CSPG4: variants seen among roughly 807,000 people sequenced by gnomAD.
The protein encoded by CSPG4 is chondroitin sulfate proteoglycan 4 (melanoma-associated).
Under a neutral mutation model 139.3 loss-of-function variants are expected in CSPG4, and 74 were observed. The observed-to-expected ratio is 0.53, with a 90% CI of 0.44 to 0.64. CSPG4 has a LOEUF of 0.64. CSPG4 is among the 30% of genes least tolerant of loss of function. The probability of loss-of-function intolerance (pLI) is 0.00; values close to 1 mark genes in which losing one functional copy is unlikely to be tolerated. For synonymous variants in CSPG4, 1,234 were observed against 1,394.2 expected (o/e 0.89, Z 2.56); for missense variants, 2,565 against 3,148.3 (o/e 0.81, Z 4.43).
At position 75,676,182 on chromosome 15, in the gene CSPG4, A is replaced by G; in HGVS notation, c.6337T>C (p.Phe2113Leu). 1.3e-6 allele frequency: 2 copies of G among 1,551,376 alleles called. No homozygotes were observed. Residue 2113 changes from phenylalanine (F) to leucine (L), a missense_variant, in exon 10 of 10, where the codon TTC becomes CTC. This residue lies in a region of CSPG4 where 2,316 missense variants were observed against 2,818.2 expected (regional missense o/e 0.82). Transcript: ENST00000308508. ...EPGGSQLVEQFTQQDLEDGRL... is the reference protein window; with the variant it reads ...EPGGSQLVEQLTQQDLEDGRL... Reference sequence around the variant, plus strand: ...CCGTCCTCAAGGTCCTGCTGAGTGAACTGCTCCACCAGCTGGCTGCCCCCG... The same window carrying G: ...CCGTCCTCAAGGTCCTGCTGAGTGAGCTGCTCCACCAGCTGGCTGCCCCCG...
chr15:75,711,153 G>C (rs1443324294), intron 1 of CSPG4, among the ~76,000 whole-genome samples: 2 of 150,904 alleles, frequency 1.3e-5, no homozygotes, highest in African/African-American at 4.9e-5. Flanking sequence ...ACCAAGGCTT[G>C]GTTTGAGGCC....
At chr15:75,707,505 A>T (rs1894389146) in intron 1 of CSPG4, among the ~76,000 whole-genome samples, 1 of 152,192 alleles carries the variant, frequency 6.6e-6, no homozygotes, top group Non-Finnish European at 1.5e-5. Flanking sequence ...GCCAGTGTGG[A>T]GTGAGGGCCA....
rs1894077468 is a variant in CSPG4, at chr15:75,687,474, A to G, written c.3591T>C (p.Val1197=). 1 of 1,612,092 alleles carries G rather than the reference A, an allele frequency of 6.2e-7. No homozygotes were observed. Among genetic ancestry groups the G allele is most frequent in the South Asian group, 1.1e-5 (1 of 91,014 alleles). ...TGAGGCTGCCATTGTGGCTATAGAG[A>G]ACGGCCCCATCCAGCAGGTCCTGCT... ...FSQQDLLDGA[V]LYSHNGSLSP... Residue 1197 remains valine (V), a synonymous_variant, in exon 3 of 10, where the codon GTT becomes GTC. Coordinates refer to ENST00000308508, the MANE Select transcript of CSPG4 (RefSeq NM_001897.5). The surrounding 1 kb of genome is among the most constrained non-coding windows in gnomAD (Gnocchi z 5.4).
At chr15:75,705,206 C>T (rs544334323) in intron 1 of CSPG4, among the ~76,000 whole-genome samples, 1 of 152,194 alleles carries the variant, frequency 6.6e-6, no homozygotes, top group Admixed American at 6.5e-5. Context: ...CAGTTAGCCA[C>T]AGAGATGCAG....
rs767244014 is a variant in CSPG4, at chr15:75,687,014, ATC to A, written c.3789+260_3789+261del. Among the ~76,000 whole-genome samples, 49 of 151,998 alleles carry A rather than the reference ATC, an allele frequency of 3.2e-4. No individual in the cohort carries two copies. Among genetic ancestry groups the A allele is most frequent in the Non-Finnish European group, 5.9e-4 (40 of 67,898 alleles). On this transcript the variant is annotated intron_variant, in intron 3 of 9. Transcript: ENST00000308508. The surrounding 1 kb of genome is among the most constrained non-coding windows in gnomAD (Gnocchi z 5.4). ...CTGTAGGGCTGGGTGGGGTCCAGGA[ATC>A]TGCATGCTCAGCCATGTCATACACA...
chr15:75,684,949 C>A, intron 4 of CSPG4, 37 bp from the exon 5 acceptor site: 1 of 1,582,896 alleles, frequency 6.3e-7, no homozygotes, highest in Non-Finnish European at 8.7e-7. Context: ...CAGGCCCCAG[C>A]AGCACCCTTC....
chr15:75,684,910 C>T lies in CSPG4; in HGVS notation c.4275G>A (p.Val1425=). The T allele has an allele frequency of 6.2e-7, 1 of 1,606,706 alleles. No individual in the cohort carries two copies. Among genetic ancestry groups the T allele is most frequent in the South Asian group, 1.1e-5 (1 of 90,956 alleles). The change falls in exon 5 of 10, where the codon GTG becomes GTA. Residue 1425 remains valine (V), a splice_region_variant and synonymous_variant. Coordinates refer to ENST00000308508, the MANE Select transcript of CSPG4 (RefSeq NM_001897.5). ...GCACGTAGCGGATCAGCTGCTCTTC[C>T]ACCTAGGGGCAGGCCCAGGGCTGGC... ...RTLSAFSWRM[V]EEQLIRYVHD... is the part of the protein sequence containing the mutation.
rs752590386 is a variant in CSPG4 at position 75,688,177 on chromosome 15, T to C, written c.2888A>G (p.Glu963Gly). ...GACCAGCCGGCCACGCAACAGGTCT[T>C]CATTGGTGAAGGATGTCACCATAGT... ...KTTMVTSFTN[E>G]DLLRGRLVYQ... Residue 963 changes from glutamate (E) to glycine (G), a missense_variant, in exon 3 of 10, where the codon GAA becomes GGA. By Grantham distance (98) the Glu-to-Gly change is moderately conservative. Around this residue, in one of 5 missense-constraint regions of CSPG4, gnomAD observed 2,316 missense variants for 2,818.2 expected, o/e 0.82. Coordinates refer to ENST00000308508, the MANE Select transcript of CSPG4 (RefSeq NM_001897.5). The C allele has an allele frequency of 2.5e-6, 4 of 1,612,812 alleles. No individual in the cohort carries two copies. The highest frequency in any genetic ancestry group is 1.7e-5 in the Admixed American group (1 of 60,016).
intron 1 of CSPG4, among the ~76,000 whole-genome samples, chr15:75,701,771 GC>G (rs1894303941): frequency 6.6e-6 from 1 of 152,062 alleles, no homozygotes; most frequent in East Asian, 1.9e-4. Flanking sequence ...GAACCCCCAA[GC>G]CCAACCCCAC....
rs1433241239 is a variant in CSPG4 at position 75,696,972 on chromosome 15, C to T, written c.89-3739G>A. The stretch of plus-strand genomic sequence containing the variant: ...GTGGATGGGCCCCTGAGGCTTCCAG[C>T]CTGACACCCAGCCCTCTGTCTGACA... On this transcript the variant is annotated intron_variant, in intron 1 of 9. Transcript: ENST00000308508. This position sits in a 1 kb window ranked among gnomAD's most constrained non-coding sequence, Gnocchi z 4.2. Among the ~76,000 whole-genome samples, 2 of 152,188 alleles carry T rather than the reference C, an allele frequency of 1.3e-5. No individual in the cohort carries two copies. Among genetic ancestry groups the T allele is most frequent in the Non-Finnish European group, 2.9e-5 (2 of 67,998 alleles).
chr15:75,699,883 T>C lies in CSPG4; in HGVS notation c.89-6650A>G, dbSNP rs886753814. Among the ~76,000 whole-genome samples, 38 of 152,224 alleles carry C rather than the reference T, an allele frequency of 2.5e-4. 1 individual carries two copies. In the Middle Eastern group the frequency reaches 0.02, roughly 82 times the overall value. On this transcript the variant is annotated intron_variant, in intron 1 of 9. Transcript: ENST00000308508. ...CAGGGAGATGGGTGGGTTTCCAGGC[T>C]CCATCCGTACCCTCCTTTCCCCCAC...
rs559126227 is a variant in CSPG4, at chr15:75,706,050, T to C, written c.88+6618A>G. Among the ~76,000 whole-genome samples, 121 of 152,290 alleles carry C rather than the reference T, an allele frequency of 7.9e-4. No homozygotes were observed. The East Asian group carries it at 0.015, about 19-fold the overall frequency. On this transcript the variant is annotated intron_variant, in intron 1 of 9. Transcript: ENST00000308508. The stretch of plus-strand genomic sequence containing the variant: ...GCCTCAGGCCTGCCTGGCTGGACTC[T>C]AGCTGCAGGAGAGCTGGTCTGGCCC...
At position 75,688,575 on chromosome 15, in the gene CSPG4, C is replaced by T. The variant is rs1894101647; in HGVS notation, c.2490G>A (p.Arg830=). 1 of 1,612,894 alleles carries T rather than the reference C, an allele frequency of 6.2e-7. No individual in the cohort carries two copies. The highest frequency in any genetic ancestry group is 8.5e-7 in the Non-Finnish European group (1 of 1,179,970). ...TFHYEVVQAP[R]KGNLQLQGTR... is the part of the protein sequence containing the mutation. ...TGCCCTGTAGTTGAAGGTTGCCTTT[C>T]CTGGGAGCCTGAACCACCTCATAAT... Residue 830 remains arginine (R), a synonymous_variant, in exon 3 of 10, where the codon AGG becomes AGA. Coordinates refer to ENST00000308508, the MANE Select transcript of CSPG4 (RefSeq NM_001897.5).
At position 75,702,078 on chromosome 15, in the gene CSPG4, T is replaced by C. The variant is rs189877071; in HGVS notation, c.89-8845A>G. On this transcript the variant is annotated intron_variant, in intron 1 of 9. Transcript: ENST00000308508. Reference sequence around the variant, plus strand: ...TCCCTTTGCTAATAGCAGCCCCAGTTAACCCAAACTGAAAGCCACTCCCTC... The same window carrying C: ...TCCCTTTGCTAATAGCAGCCCCAGTCAACCCAAACTGAAAGCCACTCCCTC... Among the ~76,000 whole-genome samples the C allele has an allele frequency of 2.2e-3, 335 of 152,310 alleles. 3 individuals carry two copies. Among genetic ancestry groups the C allele is most frequent in the African/African-American group, 7.7e-3 (319 of 41,580 alleles).
Position 75,675,394 on chromosome 15 carries a change from C to A in CSPG4, c.*156G>T, listed in dbSNP as rs1893874541. The A allele has an allele frequency of 2.6e-6, 2 of 754,864 alleles. No individual in the cohort carries two copies. The highest frequency in any genetic ancestry group is 4.0e-5 in the Admixed American group (1 of 25,104). The allele number at this position is 754,864 out of a possible 1,614,324, so 46.8% of individuals were successfully genotyped here. A position where few individuals can be genotyped will look rare whatever the true frequency, so the allele number is the denominator to read the frequency against. On this transcript the variant is annotated 3_prime_UTR_variant, in exon 10 of 10. Transcript: ENST00000308508. Reference sequence around the variant, plus strand: ...GCTCTTGACTCCACTCTGTCCCGGACCCCTGGGACTATCTCCCAGGACCCT... The same window carrying A: ...GCTCTTGACTCCACTCTGTCCCGGAACCCTGGGACTATCTCCCAGGACCCT...
At position 75,688,806 on chromosome 15, in the gene CSPG4, G is replaced by GT. The variant is rs756333053; in HGVS notation, c.2258dup (p.Tyr753Ter). Residue 753 changes from tyrosine to a stop codon, truncating the protein, a stop_gained and frameshift_variant, in exon 3 of 10, where the codon TAC becomes TAAC. Coordinates refer to ENST00000308508, the MANE Select transcript of CSPG4 (RefSeq NM_001897.5). LOFTEE classifies it high-confidence loss of function. The stretch of plus-strand genomic sequence containing the variant: ...CCAGGGCCAGGTTCTCCACGGTGTC[G>GT]TAAGCGTGGTGCTGTGGGTCAGTGC... ...YLSTDPQHHA[Y>*]DTVENLALEV... The GT allele has an allele frequency of 1.3e-5, 21 of 1,612,894 alleles. No individual in the cohort carries two copies. The Middle Eastern group carries it at 2.5e-3, about 192-fold the overall frequency.
In CSPG4 at chr15:75,688,937, C is replaced by A; in HGVS notation, c.2128G>T (p.Gly710Trp). The A allele has an allele frequency of 6.2e-7, 1 of 1,612,600 alleles. No individual in the cohort carries two copies. The highest frequency in any genetic ancestry group is 8.5e-7 in the Non-Finnish European group (1 of 1,180,028). ...CCTGCCCCCTGCTTCTGCAGCTCCCCAAACTGCAGGGCCCCAGTGACGCGG... is the reference window on the plus strand; with the variant it reads ...CCTGCCCCCTGCTTCTGCAGCTCCCAAAACTGCAGGGCCCCAGTGACGCGG... ...LFRVTGALQF[G>W]ELQKQGAGGV... Residue 710 changes from glycine to tryptophan, a missense_variant, in exon 3 of 10, where the codon GGG becomes TGG. This residue lies in a region of CSPG4 where 2,316 missense variants were observed against 2,818.2 expected (regional missense o/e 0.82). Transcript: ENST00000308508.
At position 75,677,875 on chromosome 15, in the gene CSPG4, C is replaced by T. The variant is rs1267529808; in HGVS notation, c.4962G>A (p.Gly1654=). Residue 1654 remains glycine, a synonymous_variant, in exon 9 of 10, where the codon GGG becomes GGA. Transcript: ENST00000308508. The part of the protein sequence containing the change: ...VNFTQAEVYA[G]NILYEHEMPP... Reference sequence around the variant, plus strand: ...GCATCTCATGCTCATACAGAATATTCCCAGCGTAGACCTAGGGGAGACACC... The same window carrying T: ...GCATCTCATGCTCATACAGAATATTTCCAGCGTAGACCTAGGGGAGACACC... The T allele has an allele frequency of 6.2e-7, 1 of 1,610,096 alleles. No individual in the cohort carries two copies. Among genetic ancestry groups the T allele is most frequent in the South Asian group, 1.1e-5 (1 of 90,742 alleles).
intron 1 of CSPG4, among the ~76,000 whole-genome samples, chr15:75,694,575 C>T (rs2141433414): frequency 6.6e-6 from 1 of 152,362 alleles, no homozygotes; most frequent in South Asian, 2.1e-4. Flanking sequence ...CCTGAGTAAG[C>T]AGCTTCAGCC....
Sources: allele counts gnomAD v4.1 joint callset (sites outside exome capture counted in the v4.1 genomes callset), GRCh38; gene constraint gnomAD v4.1.1; regional missense constraint gnomAD v4.1.1; non-coding constraint Gnocchi (gnomAD v3.1); transcripts MANE v1.5; gene names NCBI Gene and HGNC (gene_info 2026-07-23, HGNC 2026-07-21).